SNED1: variants seen among roughly 807,000 people sequenced by gnomAD.
SNED1 encodes the protein sushi, nidogen and EGF like domains 1, also known as sushi, nidogen and EGF-like domain-containing protein 1.
A neutral mutation model predicts 166.7 loss-of-function variants in SNED1; 81 were observed. The ratio of observed to expected loss-of-function variants is 0.49; its 90% CI spans 0.41 to 0.58. The LOEUF (loss-of-function observed/expected upper bound fraction) is 0.58, where lower values mean the gene tolerates loss of function less well. SNED1 is among the 20% of genes least tolerant of loss of function. The pLI is 0.00. For missense variants in SNED1, 1,604 were observed against 2,000.2 expected (o/e 0.80, Z 3.78); for synonymous variants, 762 against 822.0 (o/e 0.93, Z 1.25).
intron 1 of SNED1, among the ~76,000 whole-genome samples, chr2:241,001,323 T>A (rs1475577185): frequency 6.6e-6 from 1 of 152,128 alleles, no homozygotes; most frequent in African/African-American, 2.4e-5. Context: ...ATGAGATGGG[T>A]GCTTCTTCTG....
rs576759487 is a variant in SNED1 at position 241,073,189 on chromosome 2, C to T, written c.3818-77C>T. The stretch of plus-strand genomic sequence containing the variant: ...ATCCGTGCTCCCTGAGATATAGAAG[C>T]ACTCAAAAGGGTGGCCCCAGGACCA... On this transcript the variant is annotated intron_variant, in intron 26 of 31. Transcript: ENST00000310397. The surrounding 1 kb of genome is among the most constrained non-coding windows in gnomAD (Gnocchi z 6.6). The T allele has an allele frequency of 7.2e-4, 741 of 1,022,838 alleles. 3 individuals are homozygous for T. In the Middle Eastern group the frequency reaches 9.4e-3, roughly 13 times the overall value. 63.4% of individuals were successfully genotyped at this position (1,022,838 alleles called of 1,614,324 possible). A position where few individuals can be genotyped will look rare whatever the true frequency, so the allele number is the denominator to read the frequency against.
At chr2:241,037,440 G>T in intron 6 of SNED1, 87 bp downstream of exon 6, 1 of 928,134 alleles carries the variant, frequency 1.1e-6, no homozygotes, top group Non-Finnish European at 1.7e-6. Flanking sequence ...GTCTTGGAAG[G>T]TCCAGCAGCT....
intron 16 of SNED1, among the ~76,000 whole-genome samples, chr2:241,053,742 T>C (rs2061953145): frequency 6.6e-6 from 1 of 152,112 alleles, no homozygotes; most frequent in Non-Finnish European, 1.5e-5. Flanking sequence ...CTGCAGGCAT[T>C]TGAGGAGTGC....
At position 240,999,060 on chromosome 2, in the gene SNED1, C is replaced by G. The variant is rs925142441; in HGVS notation, c.213+10C>G. On this transcript the variant is annotated intron_variant, in intron 1 of 31. Coordinates refer to ENST00000310397, the MANE Select transcript of SNED1 (RefSeq NM_001080437.3). The surrounding 1 kb of genome is among the most constrained non-coding windows in gnomAD (Gnocchi z 5.8). ...GCACTCCGGACTCTACGTGAGTAAC[C>G]CCCGGGCTCGCGGGGCGCCCGGGAG... 15 of 1,280,294 alleles carry G rather than the reference C, an allele frequency of 1.2e-5. No homozygotes were observed. Among genetic ancestry groups the G allele is most frequent in the East Asian group, 3.4e-5 (1 of 29,304 alleles). The allele number at this position is 1,280,294 out of a possible 1,614,324, so 79.3% of individuals were successfully genotyped here.
At chr2:241,039,207 T>A (rs1177926249) in intron 6 of SNED1, among the ~76,000 whole-genome samples, 1 of 152,104 alleles carries the variant, frequency 6.6e-6, no homozygotes, top group African/African-American at 2.4e-5. Context: ...TGCATGCTCC[T>A]CCACCTAGCG....
At chr2:241,078,550 T>G (rs920974187) in intron 27 of SNED1, among the ~76,000 whole-genome samples, 1 of 151,872 alleles carries the variant, frequency 6.6e-6, no homozygotes, top group East Asian at 1.9e-4. Flanking sequence ...GAAGACTCTA[T>G]GTACTATGAT....
At chr2:241,046,870 C>T (rs62186639) in intron 8 of SNED1, among the ~76,000 whole-genome samples, 25,530 of 152,054 alleles carry the variant, frequency 0.17, 2,429 homozygotes, top group East Asian at 0.26. Context: ...AAGTAGCTGG[C>T]GTGGTGGCTC....
At chr2:241,012,592 C>G (rs1386480335) in intron 1 of SNED1, among the ~76,000 whole-genome samples, 1 of 152,182 alleles carries the variant, frequency 6.6e-6, no homozygotes, top group Non-Finnish European at 1.5e-5. Context: ...ACATTTGGGT[C>G]TGCTATTGTT....
intron 27 of SNED1, among the ~76,000 whole-genome samples, chr2:241,077,815 T>G (rs370549647): frequency 1.8e-4 from 27 of 152,156 alleles, no homozygotes; most frequent in African/African-American, 5.5e-4. Flanking sequence ...AATTAAAAAG[T>G]CAGATAATAA....
intron 29 of SNED1, among the ~76,000 whole-genome samples, chr2:241,082,905 A>G (rs1223098558): frequency 6.6e-6 from 1 of 151,752 alleles, no homozygotes. Context: ...CTTACTGAGC[A>G]CCTGCTGTGT....
chr2:241,031,226 A>G (rs955389944), intron 2 of SNED1, among the ~76,000 whole-genome samples: 1 of 151,796 alleles, frequency 6.6e-6, no homozygotes, highest in African/African-American at 2.4e-5. Flanking sequence ...GTGCAATAGC[A>G]CGATCTCAGC....
At chr2:241,035,931 TG>T (rs1412768596) in intron 4 of SNED1, among the ~76,000 whole-genome samples, 143 of 13,790 alleles carry the variant, frequency 0.01, 4 homozygotes, top group African/African-American at 0.042. Context: ...GGTGGAGGGG[TG>T]GGGGGTGCAG....
chr2:241,047,447 C>T (rs1208673735), intron 8 of SNED1, among the ~76,000 whole-genome samples: 1 of 152,168 alleles, frequency 6.6e-6, no homozygotes, highest in African/African-American at 2.4e-5. Context: ...AACATGTACA[C>T]AGGAAATCAG....
intron 9 of SNED1, 47 bp from the exon 10 acceptor site, chr2:241,048,615 T>A (rs2061735309): frequency 1.3e-6 from 2 of 1,546,704 alleles, no homozygotes; most frequent in Non-Finnish European, 1.8e-6. Flanking sequence ...GAGGGTGCCA[T>A]CTTTCTGCGC....
intron 1 of SNED1, among the ~76,000 whole-genome samples, chr2:241,004,550 A>G (rs1203948329): frequency 6.6e-6 from 1 of 152,048 alleles, no homozygotes; most frequent in African/African-American, 2.4e-5. Flanking sequence ...TGATTATTCT[A>G]GATTTAAAAC....
rs751855707 is a variant in SNED1, at chr2:241,040,115, C to T, written c.1086C>T (p.Gly362=). 7 of 1,600,276 alleles carry T rather than the reference C, an allele frequency of 4.4e-6. No individual in the cohort carries two copies. In the South Asian group the frequency reaches 7.9e-5, roughly 18 times the overall value. Residue 362 remains glycine, a synonymous_variant, in exon 7 of 32, where the codon GGC becomes GGT. Transcript: ENST00000310397. Reference sequence around the variant, plus strand: ...ACACCAAAGAGTGTCAACATGGTGGCCAGTGCCAGGTGGAGAATGGCTCTG... The same window carrying T: ...ACACCAAAGAGTGTCAACATGGTGGTCAGTGCCAGGTGGAGAATGGCTCTG... The part of the protein sequence containing the change: ...PCDTKECQHG[G]QCQVENGSAV...
chr2:241,051,979 G>T lies in SNED1; in HGVS notation c.1853-62G>T. 1 of 1,528,510 alleles carries T rather than the reference G, an allele frequency of 6.5e-7. No homozygotes were observed. Among genetic ancestry groups the T allele is most frequent in the East Asian group, 2.3e-5 (1 of 43,390 alleles). 94.7% of individuals were successfully genotyped at this position (1,528,510 alleles called of 1,614,324 possible). The stretch of plus-strand genomic sequence containing the variant: ...CTTCTCATGAAGAGGCCCCAGCTCT[G>T]GGATGTTGGGGAACGTGGGAGGGGC... On this transcript the variant is annotated intron_variant, in intron 13 of 31. Transcript: ENST00000310397. This position sits in a 1 kb window ranked among gnomAD's most constrained non-coding sequence, Gnocchi z 4.7.
chr2:241,067,868 C>T lies in SNED1; in HGVS notation c.3115C>T (p.Arg1039Cys), dbSNP rs750625528. The T allele has an allele frequency of 2.5e-6, 4 of 1,613,504 alleles. No homozygotes were observed. The highest frequency in any genetic ancestry group is 3.4e-6 in the Non-Finnish European group (4 of 1,179,854). Reference sequence around the variant, plus strand: ...CCGCCATGCCACCGTCAGTGGGGTCCGTGTGTCCATCCGCCACCCTGAGGC... The same window carrying T: ...CCGCCATGCCACCGTCAGTGGGGTCTGTGTGTCCATCCGCCACCCTGAGGC... ...RIRHATVSGV[R>C]VSIRHPEALR... is the part of the protein sequence containing the mutation. The change falls in exon 22 of 32, where the codon CGT becomes TGT. Residue 1039 changes from arginine to cysteine, a missense_variant. This residue lies in a region of SNED1 where 1,237 missense variants were observed against 1,620.8 expected (regional missense o/e 0.76). Transcript: ENST00000310397.
At chr2:241,072,780 C>T (rs756791939) in intron 26 of SNED1, 4 of 188,720 alleles carry the variant, frequency 2.1e-5, no homozygotes, top group Non-Finnish European at 4.4e-5. Flanking sequence ...GCTATGGAAG[C>T]GGATATGAAG....
Sources: gnomAD v4.1 joint callset for allele counts (sites outside exome capture counted in the v4.1 genomes callset) on GRCh38, gnomAD v4.1.1 for gene constraint, gnomAD v4.1.1 regional missense constraint, Gnocchi (gnomAD v3.1) non-coding constraint, MANE v1.5 for transcripts, NCBI Gene and HGNC (gene_info 2026-07-23, HGNC 2026-07-21) for gene names.